The following CTDSPL2 variants were observed in gnomAD, a reference collection of about 807,000 sequenced individuals.
CTDSPL2 encodes the protein CTD small phosphatase like 2, also known as CTD small phosphatase-like protein 2.
A neutral mutation model predicts 60.0 loss-of-function variants in CTDSPL2; 5 were observed. The observed-to-expected ratio is 0.08, with a 90% CI of 0.04 to 0.18. The LOEUF is 0.18. Ranked by LOEUF, CTDSPL2 falls within the 10% of genes least tolerant of loss-of-function variation. CTDSPL2 has a pLI of 1.00. For missense variants in CTDSPL2, 370 were observed against 548.8 expected (o/e 0.67, Z 3.26); for synonymous variants, 186 against 189.3 (o/e 0.98, Z 0.14).
intron 1 of CTDSPL2, among the ~76,000 whole-genome samples, chr15:44,445,141 G>C (rs1374553214): frequency 6.6e-6 from 1 of 151,726 alleles, no homozygotes; most frequent in Non-Finnish European, 1.5e-5. Flanking sequence ...ACCCCGCCCG[G>C]CTGTAGTTTT....
At chr15:44,436,511 T>C (rs144307395) in intron 1 of CTDSPL2, among the ~76,000 whole-genome samples, 210 of 152,328 alleles carry the variant, frequency 1.4e-3, no homozygotes, top group Non-Finnish European at 1.6e-3. Context: ...ATGCCAGATC[T>C]GATGTCCAAT....
chr15:44,454,362 C>T (rs2080391630), intron 1 of CTDSPL2, among the ~76,000 whole-genome samples: 1 of 151,598 alleles, frequency 6.6e-6, no homozygotes, highest in Non-Finnish European at 1.5e-5. Flanking sequence ...AAATTTTTCT[C>T]CCATTCTGTA....
At position 44,474,412 on chromosome 15, in the gene CTDSPL2, C is replaced by T. The variant is rs535893612; in HGVS notation, c.187-9812C>T. Among the ~76,000 whole-genome samples the T allele has an allele frequency of 5.3e-5, 8 of 151,972 alleles. No homozygotes were observed. The East Asian group carries it at 1.4e-3, about 26-fold the overall frequency. On this transcript the variant is annotated intron_variant, in intron 2 of 12. Coordinates refer to ENST00000260327, the MANE Select transcript of CTDSPL2 (RefSeq NM_016396.3). ...AGGCTGAGGCGGGAGATCGCTTGAA[C>T]CCAGGAGGCGGAGGTTGCAGTGAGT...
chr15:44,496,633 A>G (rs886714914), intron 6 of CTDSPL2, among the ~76,000 whole-genome samples, 175 bp downstream of exon 6: 1 of 152,130 alleles, frequency 6.6e-6, no homozygotes, highest in Non-Finnish European at 1.5e-5. Flanking sequence ...AGACCCAGGC[A>G]GGCAGATTGT....
intron 8 of CTDSPL2, among the ~76,000 whole-genome samples, chr15:44,504,301 G>C (rs2081423632): frequency 6.6e-6 from 1 of 152,052 alleles, no homozygotes; most frequent in African/African-American, 2.4e-5. Flanking sequence ...AGTGAGCCAA[G>C]ATTGCGCCAC....
chr15:44,428,697 G>A (rs1234470398), intron 1 of CTDSPL2, among the ~76,000 whole-genome samples: 1 of 152,198 alleles, frequency 6.6e-6, no homozygotes, highest in African/African-American at 2.4e-5. Context: ...AATTTCTTCA[G>A]TGGGTATACA....
rs758346078 is a variant in CTDSPL2, at chr15:44,499,765, A to G, written c.921A>G (p.Glu307=). 8.1e-6 allele frequency: 13 copies of G among 1,608,600 alleles called. No individual in the cohort carries two copies. The highest frequency in any genetic ancestry group is 1.1e-5 in the Non-Finnish European group (13 of 1,176,318). Residue 307 remains glutamate, a synonymous_variant, in exon 8 of 13, where the codon GAA becomes GAG. Coordinates refer to ENST00000260327, the MANE Select transcript of CTDSPL2 (RefSeq NM_016396.3). The part of the protein sequence containing the change: ...TLVHCSLNEL[E]DAALTFPVLF... ...TGCATTGTAGTCTAAATGAGCTAGA[A>G]GATGCAGCACTTACTTTTCCAGTCC...
chr15:44,515,621 A>G (rs1375661437), intron 10 of CTDSPL2, among the ~76,000 whole-genome samples: 14 of 152,192 alleles, frequency 9.2e-5, no homozygotes, highest in Admixed American at 9.2e-4. Context: ...CTGTAATCCC[A>G]GCACTTTGGG....
At chr15:44,434,989 CAG>C (rs2079944174) in intron 1 of CTDSPL2, among the ~76,000 whole-genome samples, 1 of 152,118 alleles carries the variant, frequency 6.6e-6, no homozygotes, top group Admixed American at 6.5e-5. Context: ...CGACCAGACA[CAG>C]TGGCGCACGC....
chr15:44,503,261 C>A (rs2081409139), intron 8 of CTDSPL2, among the ~76,000 whole-genome samples: 1 of 151,860 alleles, frequency 6.6e-6, no homozygotes, highest in East Asian at 1.9e-4. Context: ...ATTAAGAAAA[C>A]ATGTATTCAT....
At chr15:44,513,083 A>C (rs1047571302) in intron 8 of CTDSPL2, among the ~76,000 whole-genome samples, 23 of 151,796 alleles carry the variant, frequency 1.5e-4, no homozygotes, top group Non-Finnish European at 3.2e-4. Context: ...AAAAAAAAAA[A>C]AAACTAATAG....
intron 1 of CTDSPL2, chr15:44,447,689 ACTTCACATT>A (rs1233927265): frequency 6.5e-6 from 1 of 153,496 alleles, no homozygotes; most frequent in Non-Finnish European, 1.5e-5. Flanking sequence ...CATCCCTTGG[ACTTCACATT>A]CTTCATCTTG....
intron 2 of CTDSPL2, among the ~76,000 whole-genome samples, chr15:44,475,971 G>C (rs1479540906): frequency 2.0e-5 from 3 of 152,196 alleles, no homozygotes; most frequent in Non-Finnish European, 2.9e-5. Context: ...TGATATGTCA[G>C]TTTCTTATTT....
intron 6 of CTDSPL2, 91 bp downstream of exon 6, chr15:44,496,549 C>A: frequency 2.1e-6 from 2 of 960,026 alleles, no homozygotes; most frequent in Non-Finnish European, 3.3e-6. Context: ...TAGTATATTG[C>A]CAAGATATGT....
intron 1 of CTDSPL2, among the ~76,000 whole-genome samples, chr15:44,451,362 A>G (rs2080331582): frequency 6.6e-6 from 1 of 152,016 alleles, no homozygotes; most frequent in Non-Finnish European, 1.5e-5. Flanking sequence ...CTCCCGCCTC[A>G]GCCTCCCAAA....
At chr15:44,481,134 A>G (rs932608321) in intron 2 of CTDSPL2, among the ~76,000 whole-genome samples, 4 of 152,018 alleles carry the variant, frequency 2.6e-5, no homozygotes, top group African/African-American at 9.7e-5. Flanking sequence ...CTGGGAGTTC[A>G]AGACCAGTCT....
intron 1 of CTDSPL2, among the ~76,000 whole-genome samples, chr15:44,454,940 A>G (rs376846296): frequency 1.1e-4 from 16 of 152,148 alleles, no homozygotes; most frequent in African/African-American, 3.1e-4. Flanking sequence ...GAACTTTAAA[A>G]TAGTTTTTTC....
Position 44,510,869 on chromosome 15 carries a change from G to A in CTDSPL2, c.970-3729G>A, listed in dbSNP as rs184129026. On this transcript the variant is annotated intron_variant, in intron 8 of 12. Transcript: ENST00000260327. ...TAAACTCATTGTATTATATGTACCTGACAGATGTTCTTTATTTGTTCTTAC... is the reference window on the plus strand; with the variant it reads ...TAAACTCATTGTATTATATGTACCTAACAGATGTTCTTTATTTGTTCTTAC... 4.5e-3 allele frequency among the ~76,000 whole-genome samples: 682 copies of A among 152,294 alleles called. 4 individuals carry two copies. Among genetic ancestry groups the A allele is most frequent in the African/African-American group, 0.016 (649 of 41,564 alleles).
At chr15:44,522,715 T>G (rs1415870246) in intron 12 of CTDSPL2, among the ~76,000 whole-genome samples, 1 of 152,070 alleles carries the variant, frequency 6.6e-6, no homozygotes, top group Non-Finnish European at 1.5e-5. Context: ...ATTGCACCAC[T>G]GCACTCCAGC....
Sources: allele counts gnomAD v4.1 joint callset (sites outside exome capture counted in the v4.1 genomes callset), GRCh38; gene constraint gnomAD v4.1.1; transcripts MANE v1.5; gene names NCBI Gene and HGNC (gene_info 2026-07-23, HGNC 2026-07-21).